Variants in COL23A1 observed in about 807,000 individuals in gnomAD.
COL23A1 encodes collagen type XXIII alpha 1 chain.
COL23A1 carries 97 observed loss-of-function variants against 99.3 expected under a neutral mutation model. The observed-to-expected ratio is 0.98, with a 90% CI of 0.83 to 1.16. The LOEUF is 1.16. Ranked by LOEUF, COL23A1 falls within the 50% of genes most tolerant of loss-of-function variation. The pLI, the probability that COL23A1 is intolerant of heterozygous loss-of-function variation, is 0.00. For synonymous variants in COL23A1, 320 were observed against 308.2 expected (o/e 1.04, Z -0.40); for missense variants, 762 against 757.4 (o/e 1.01, Z -0.07).
intron 2 of COL23A1, chr5:178,352,293 C>CTCT (rs1761375397): frequency 6.6e-6 from 1 of 152,188 alleles, no homozygotes; most frequent in Admixed American, 6.5e-5. Flanking sequence ...GATCTTCTCT[C>CTCT]TCTTAAAAGA....
intron 2 of COL23A1, among the ~76,000 whole-genome samples, chr5:178,381,460 G>C (rs946159230): frequency 6.6e-6 from 1 of 152,240 alleles, no homozygotes; most frequent in African/African-American, 2.4e-5. Flanking sequence ...ACCACCGGGA[G>C]AGAGGGTCCT....
chr5:178,455,335 G>T (rs1186674389), intron 2 of COL23A1, among the ~76,000 whole-genome samples: 1 of 152,086 alleles, frequency 6.6e-6, no homozygotes, highest in Non-Finnish European at 1.5e-5. Context: ...GACAGCTGGG[G>T]GCCAGGCCAC....
intron 2 of COL23A1, among the ~76,000 whole-genome samples, chr5:178,480,651 T>C (rs1252146583): frequency 6.6e-6 from 1 of 152,224 alleles, no homozygotes; most frequent in Non-Finnish European, 1.5e-5. Context: ...CCTTATGCTG[T>C]GTTCAACAGC....
chr5:178,492,125 T>C (rs35647502), intron 2 of COL23A1, among the ~76,000 whole-genome samples: 58,949 of 152,176 alleles, frequency 0.39, 13,432 homozygotes, highest in Admixed American at 0.52. Flanking sequence ...AGCATTGAAA[T>C]TGTATTCAAT....
At chr5:178,489,044 T>C (rs1341914510) in intron 2 of COL23A1, among the ~76,000 whole-genome samples, 2 of 152,200 alleles carry the variant, frequency 1.3e-5, no homozygotes, top group African/African-American at 2.4e-5. Flanking sequence ...TTGTGGCCTA[T>C]TGCTGTCGAC....
intron 2 of COL23A1, among the ~76,000 whole-genome samples, chr5:178,399,919 C>A (rs1360239994): frequency 1.3e-5 from 2 of 152,192 alleles, no homozygotes; most frequent in Non-Finnish European, 2.9e-5. Context: ...CGGATCCACC[C>A]GCGTCCATGC....
chr5:178,358,753 CTG>C lies in COL23A1; in HGVS notation c.362-51836_362-51835del, dbSNP rs1338637265. Reference sequence around the variant, plus strand: ...TGTGTATGTGTATCTGTGTGTGTATCTGTGTGTGTGTATGTGTGTGTATGTGT... The same window carrying C: ...TGTGTATGTGTATCTGTGTGTGTATCTGTGTGTGTATGTGTGTGTATGTGT... On this transcript the variant is annotated intron_variant, in intron 2 of 28. Coordinates refer to ENST00000390654, the MANE Select transcript of COL23A1 (RefSeq NM_173465.4). 8.1e-3 allele frequency among the ~76,000 whole-genome samples: 1,091 copies of C among 135,158 alleles called. 11 individuals carry two copies. The highest frequency in any genetic ancestry group is 0.027 in the African/African-American group (981 of 36,000). The allele number at this position is 135,158 out of a possible 152,430, so 88.7% of individuals were successfully genotyped here. A position where few individuals can be genotyped will look rare whatever the true frequency, so the allele number is the denominator to read the frequency against.
At chr5:178,518,925 C>A in intron 2 of COL23A1, among the ~76,000 whole-genome samples, 1 of 93,238 alleles carries the variant, frequency 1.1e-5, no homozygotes, top group Non-Finnish European at 2.0e-5. Flanking sequence ...TCCCGGCGGT[C>A]GGGCGGCGGC....
At chr5:178,559,583 T>C (rs1276955367) in intron 2 of COL23A1, among the ~76,000 whole-genome samples, 19 of 89,856 alleles carry the variant, frequency 2.1e-4, no homozygotes, top group African/African-American at 4.6e-4. Flanking sequence ...CACCCAAAAG[T>C]CACCTTTCCC....
At chr5:178,563,118 A>G (rs1762685751) in intron 1 of COL23A1, among the ~76,000 whole-genome samples, 2 of 152,112 alleles carry the variant, frequency 1.3e-5, no homozygotes, top group Non-Finnish European at 1.5e-5. Flanking sequence ...TCACTCCTCC[A>G]TCATCACTGC....
intron 2 of COL23A1, among the ~76,000 whole-genome samples, chr5:178,381,877 CCTTCCGCCTCGG>C (rs1763399547): frequency 6.6e-6 from 1 of 152,226 alleles, no homozygotes; most frequent in Non-Finnish European, 1.5e-5. Context: ...CTCAAACCAT[CCTTCCGCCTCGG>C]CTTCCCAAAG....
chr5:178,551,336 A>C (rs1761994556), intron 2 of COL23A1, among the ~76,000 whole-genome samples: 1 of 151,996 alleles, frequency 6.6e-6, no homozygotes. Context: ...TATTTATAGG[A>C]CATGACACAT....
rs1035599415 is a variant in COL23A1 at position 178,365,979 on chromosome 5, CCCT to C, written c.362-59063_362-59061del. Among the ~76,000 whole-genome samples the C allele has an allele frequency of 9.2e-5, 14 of 152,140 alleles. No individual in the cohort carries two copies. The highest frequency in any genetic ancestry group is 1.2e-4 in the African/African-American group (5 of 41,416). ...ACGCCCAGTTCAAGCCCCACTCCAG[CCCT>C]CCTCAAGTGGGTCACTCCTCACGGC... On this transcript the variant is annotated intron_variant, in intron 2 of 28. Coordinates refer to ENST00000390654, the MANE Select transcript of COL23A1 (RefSeq NM_173465.4). This position sits in a 1 kb window ranked among gnomAD's most constrained non-coding sequence, Gnocchi z 5.2.
chr5:178,474,820 C>T (rs1313831120), intron 2 of COL23A1, among the ~76,000 whole-genome samples: 4 of 152,134 alleles, frequency 2.6e-5, no homozygotes, highest in Non-Finnish European at 4.4e-5. Flanking sequence ...AGGCGGGGAG[C>T]GGATAGTAAT....
At chr5:178,574,550 AG>A in intron 1 of COL23A1, among the ~76,000 whole-genome samples, 1 of 152,304 alleles carries the variant, frequency 6.6e-6, no homozygotes, top group Non-Finnish European at 1.5e-5. Flanking sequence ...GCCAATGAAA[AG>A]GTTGCTCCCG....
intron 2 of COL23A1, among the ~76,000 whole-genome samples, chr5:178,383,899 G>C (rs2127740858): frequency 6.6e-6 from 1 of 151,138 alleles, no homozygotes; most frequent in East Asian, 1.9e-4. Context: ...AAAAAAGGCA[G>C]AGACGAAAAG....
At chr5:178,388,052 A>G (rs1465144089) in intron 2 of COL23A1, among the ~76,000 whole-genome samples, 1 of 151,996 alleles carries the variant, frequency 6.6e-6, no homozygotes, top group Non-Finnish European at 1.5e-5. Context: ...CACGCTCTCC[A>G]CGGTGTGATT....
chr5:178,374,976 G>T (rs916286275), intron 2 of COL23A1, among the ~76,000 whole-genome samples: 1 of 152,180 alleles, frequency 6.6e-6, no homozygotes, highest in Admixed American at 6.5e-5. Flanking sequence ...GCACACAAAT[G>T]TTCATAGAAG....
At chr5:178,454,496 T>G (rs913145285) in intron 2 of COL23A1, among the ~76,000 whole-genome samples, 7 of 152,006 alleles carry the variant, frequency 4.6e-5, no homozygotes, top group African/African-American at 1.7e-4. Context: ...TGGCTTGGGG[T>G]GACCAGAAAG....
Sources: allele counts gnomAD v4.1 joint callset (sites outside exome capture counted in the v4.1 genomes callset), GRCh38; gene constraint gnomAD v4.1.1; non-coding constraint Gnocchi (gnomAD v3.1); transcripts MANE v1.5; gene names NCBI Gene and HGNC (gene_info 2026-07-23, HGNC 2026-07-21).